DIAPH1: variants seen among roughly 807,000 people sequenced by gnomAD.
DIAPH1 encodes protein diaphanous homolog 1.
Under a neutral mutation model 140.7 loss-of-function variants are expected in DIAPH1, and 46 were observed. That is an observed-to-expected ratio of 0.33 (90% CI 0.26 to 0.42). The LOEUF (loss-of-function observed/expected upper bound fraction) is 0.42. Ranked by LOEUF, DIAPH1 falls within the 10% of genes least tolerant of loss-of-function variation. The pLI is 1.00. For missense variants in DIAPH1, 1,310 were observed against 1,558.7 expected, an observed-to-expected ratio of 0.84 and a Z score of 2.69; for synonymous variants, 565 against 551.6, an observed-to-expected ratio of 1.02 and a Z score of -0.34.
At chr5:141,581,524 G>C (rs960029096) in intron 7 of DIAPH1, among the ~76,000 whole-genome samples, 3 of 152,136 alleles carry the variant, frequency 2.0e-5, no homozygotes, top group African/African-American at 7.2e-5. Context: ...TATGTTTCTT[G>C]TTAATTCTCT....
intron 8 of DIAPH1, among the ~76,000 whole-genome samples, chr5:141,579,960 G>A (rs200342025): frequency 7.5e-5 from 11 of 146,832 alleles, no homozygotes; most frequent in Non-Finnish European, 7.5e-5. Flanking sequence ...AAAAAAAAAA[G>A]GAAAAAAAAA....
intron 27 of DIAPH1, among the ~76,000 whole-genome samples, chr5:141,522,910 G>A (rs1188857697): frequency 6.6e-6 from 1 of 152,172 alleles, no homozygotes; most frequent in East Asian, 1.9e-4. Flanking sequence ...AGTCATACAA[G>A]AGAACCCTCA....
intron 7 of DIAPH1, 31 bp downstream of exon 7, chr5:141,582,281 G>C: frequency 2.6e-6 from 4 of 1,567,244 alleles, no homozygotes; most frequent in Non-Finnish European, 3.5e-6. Context: ...CGTCCAGATG[G>C]GGTTTGGAAT....
chr5:141,539,430 G>GTTTTTTTTTTTTTTTTTTTT (rs374210300), intron 18 of DIAPH1, among the ~76,000 whole-genome samples: 1 of 131,842 alleles, frequency 7.6e-6, no homozygotes, highest in Non-Finnish European at 1.6e-5. Flanking sequence ...TTTTTTTTTT[G>GTTTTTTTTTTTTTTTTTTTT]TTTTTTTTTT....
chr5:141,614,813 G>GT (rs2099902413), intron 1 of DIAPH1, among the ~76,000 whole-genome samples: 1 of 77,514 alleles, frequency 1.3e-5, no homozygotes, highest in Non-Finnish European at 2.4e-5. Flanking sequence ...TTCATCATCT[G>GT]TTAAAAAAAA....
intron 1 of DIAPH1, among the ~76,000 whole-genome samples, chr5:141,605,817 T>A (rs1290644379): frequency 5.9e-5 from 9 of 152,178 alleles, no homozygotes; most frequent in Admixed American, 5.9e-4. Flanking sequence ...TGATAATACA[T>A]ATCCTACAGT....
At chr5:141,571,847 G>T in intron 17 of DIAPH1, 79 bp downstream of exon 17, 1 of 999,368 alleles carries the variant, frequency 1.0e-6, no homozygotes, top group Non-Finnish European at 1.6e-6. Context: ...ACCCAGGGAA[G>T]GGAAGGGAAT....
At chr5:141,603,154 A>T (rs921308634) in intron 1 of DIAPH1, among the ~76,000 whole-genome samples, 4 of 152,222 alleles carry the variant, frequency 2.6e-5, no homozygotes, top group African/African-American at 7.2e-5. Flanking sequence ...TGATAGGCTC[A>T]TGTTCTCCAT....
At position 141,586,961 on chromosome 5, in the gene DIAPH1, T is replaced by C. The variant is rs145350904; in HGVS notation, c.300+81A>G. 514 of 1,451,258 alleles carry C rather than the reference T, an allele frequency of 3.5e-4. 2 individuals are homozygous for C. In the African/African-American group the frequency reaches 6.2e-3, roughly 18 times the overall value. 89.9% of individuals were successfully genotyped at this position (1,451,258 alleles called of 1,614,324 possible). A position where few individuals can be genotyped will look rare whatever the true frequency, so the allele number is the denominator to read the frequency against. On this transcript the variant is annotated intron_variant, in intron 3 of 27. Coordinates refer to ENST00000389054, the MANE Select transcript of DIAPH1 (RefSeq NM_005219.5). The stretch of plus-strand genomic sequence containing the variant: ...GGAATTCTTTGTAATAAAGGGCTAG[T>C]TGGGAATTATGCACCAAAAAGAGCC...
intron 1 of DIAPH1, among the ~76,000 whole-genome samples, chr5:141,600,894 A>G (rs925255372): frequency 6.6e-6 from 1 of 152,254 alleles, no homozygotes; most frequent in Non-Finnish European, 1.5e-5. Context: ...AATATTTTAT[A>G]CTAGAACTGC....
At chr5:141,607,465 C>G (rs2099901157) in intron 1 of DIAPH1, among the ~76,000 whole-genome samples, 1 of 152,226 alleles carries the variant, frequency 6.6e-6, no homozygotes, top group South Asian at 2.1e-4. Context: ...TTGCTGAAAA[C>G]TGACCTTAAC....
At chr5:141,600,735 T>TGTAAAATACACACCTGAAGATA (rs1319757332) in intron 1 of DIAPH1, among the ~76,000 whole-genome samples, 17 of 152,322 alleles carry the variant, frequency 1.1e-4, no homozygotes, top group East Asian at 7.7e-4. Context: ...CAAGACTTCT[T>TGTAAAATACACACCTGAAGATA]GTAAAATACA....
In DIAPH1 at chr5:141,538,649, T is replaced by G. The variant is rs546085124; in HGVS notation, c.2483-4216A>C. On this transcript the variant is annotated intron_variant, in intron 18 of 27. Transcript: ENST00000389054. The stretch of plus-strand genomic sequence containing the variant: ...GGTTTCACCATGTTGGCCAGGCTGG[T>G]CTCGAACTCCTGACTTCAGGTGATC... 4.6e-5 allele frequency among the ~76,000 whole-genome samples: 7 copies of G among 151,080 alleles called. No individual in the cohort carries two copies. In the South Asian group the frequency reaches 1.1e-3, roughly 23 times the overall value.
chr5:141,526,746 G>C (rs935561722), intron 24 of DIAPH1, among the ~76,000 whole-genome samples: 14 of 152,298 alleles, frequency 9.2e-5, no homozygotes, highest in African/African-American at 3.4e-4. Flanking sequence ...CGCCGGGCAG[G>C]AGTGCAGTGG....
intron 26 of DIAPH1, chr5:141,524,643 G>A (rs944957187): frequency 5.8e-5 from 18 of 310,040 alleles, no homozygotes; most frequent in African/African-American, 3.3e-4. Context: ...GAGCAGGGCC[G>A]AGGAAAGACC....
Position 141,534,378 on chromosome 5 carries a change from T to C in DIAPH1, c.2538A>G (p.Val846=), listed in dbSNP as rs973415272. 5.6e-6 allele frequency: 9 copies of C among 1,613,842 alleles called. No homozygotes were observed. The African/African-American group carries it at 1.2e-4, about 22-fold the overall frequency. ...EEKKSVQKKK[V]KELKVLDSKT... is the part of the protein sequence containing the mutation. The stretch of plus-strand genomic sequence containing the variant: ...TTGAATCCAACACCTTTAACTCTTT[T>C]ACTTTTTTCTTTTGCACAGATTTCT... The change falls in exon 19 of 28, where the codon GTA becomes GTG. Residue 846 remains valine (V), a synonymous_variant. Coordinates refer to ENST00000389054, the MANE Select transcript of DIAPH1 (RefSeq NM_005219.5).
intron 1 of DIAPH1, among the ~76,000 whole-genome samples, chr5:141,602,311 G>A (rs969106372): frequency 2.6e-5 from 4 of 152,190 alleles, no homozygotes; most frequent in East Asian, 1.9e-4. Flanking sequence ...ACGCCCCTGC[G>A]TTCAGACCAT....
intron 10 of DIAPH1, 58 bp from the exon 11 acceptor site, chr5:141,578,401 C>A: frequency 3.2e-6 from 5 of 1,549,840 alleles, no homozygotes; most frequent in Non-Finnish European, 4.5e-6. Flanking sequence ...TGGTTAGAAA[C>A]CTAAGCTTTT....
At chr5:141,579,283 C>T in intron 8 of DIAPH1, 87 bp from the exon 9 acceptor site, 2 of 958,004 alleles carry the variant, frequency 2.1e-6, no homozygotes, top group Non-Finnish European at 3.4e-6. Flanking sequence ...GGGCACAGAC[C>T]GATTAGGAAA....
Sources: allele counts gnomAD v4.1 joint callset (sites outside exome capture counted in the v4.1 genomes callset), GRCh38; gene constraint gnomAD v4.1.1; transcripts MANE v1.5; gene names NCBI Gene and HGNC (gene_info 2026-07-23, HGNC 2026-07-21).